Variants in DPYD observed in about 807,000 individuals in gnomAD.
The protein encoded by DPYD is dihydropyrimidine dehydrogenase [NADP(+)].
Under a neutral mutation model 116.2 loss-of-function variants are expected in DPYD, and 109 were observed. That is an observed-to-expected ratio of 0.94 (90% confidence interval 0.80 to 1.10). DPYD has a LOEUF of 1.10. Ranked by LOEUF, DPYD falls within the 50% of genes least tolerant of loss-of-function variation. The pLI is 0.00. For synonymous variants in DPYD, 440 were observed against 432.0 expected, an observed-to-expected ratio of 1.02 and a Z score of -0.23; for missense variants, 1,302 against 1,254.5, an observed-to-expected ratio of 1.04 and a Z score of -0.57.
chr1:97,656,200 G>C (rs961586208), intron 8 of DPYD, among the ~76,000 whole-genome samples: 1 of 152,144 alleles, frequency 6.6e-6, no homozygotes, highest in African/African-American at 2.4e-5. Context: ...TGTTCTGGCA[G>C]CCCAGCAAGA....
At chr1:97,635,201 G>A (rs1055566430) in intron 8 of DPYD, among the ~76,000 whole-genome samples, 2 of 151,998 alleles carry the variant, frequency 1.3e-5, no homozygotes, top group African/African-American at 4.8e-5. Context: ...TGTACCTTAG[G>A]ATAAGGAATT....
intron 8 of DPYD, among the ~76,000 whole-genome samples, chr1:97,628,810 G>A (rs1030156711): frequency 6.6e-6 from 1 of 152,018 alleles, no homozygotes; most frequent in Non-Finnish European, 1.5e-5. Context: ...TAATATGCAT[G>A]TATATATGTA....
intron 13 of DPYD, among the ~76,000 whole-genome samples, chr1:97,471,290 G>A (rs556443548): frequency 6.6e-6 from 1 of 152,158 alleles, no homozygotes; most frequent in South Asian, 2.1e-4. Context: ...GGGGGTCCCA[G>A]GACAGGGAAT....
chr1:97,281,621 A>C (rs868280824), intron 18 of DPYD, among the ~76,000 whole-genome samples: 3 of 152,026 alleles, frequency 2.0e-5, no homozygotes, highest in South Asian at 4.1e-4. Context: ...TTTTATCTAA[A>C]GTTTCTCAGA....
chr1:97,410,199 G>A (rs1038160779), intron 14 of DPYD, among the ~76,000 whole-genome samples: 2 of 151,578 alleles, frequency 1.3e-5, no homozygotes, highest in Admixed American at 1.3e-4. Context: ...CTTTCTCTCT[G>A]CAGCTGAAAT....
chr1:97,681,713 T>G (rs961124360), intron 7 of DPYD, among the ~76,000 whole-genome samples: 2 of 152,272 alleles, frequency 1.3e-5, no homozygotes, highest in African/African-American at 4.8e-5. Context: ...AATACATATT[T>G]TATTGAAAAA....
chr1:97,573,679 C>T, intron 11 of DPYD, 81 bp downstream of exon 11: 1 of 1,563,060 alleles, frequency 6.4e-7, no homozygotes, highest in Non-Finnish European at 8.8e-7. Flanking sequence ...AAGTGAAAAA[C>T]AATTCCCTGA....
chr1:97,191,942 C>T (rs947277816), intron 20 of DPYD, among the ~76,000 whole-genome samples: 34 of 152,106 alleles, frequency 2.2e-4, no homozygotes, highest in African/African-American at 8.2e-4. Context: ...CATTATCTTG[C>T]TAATTACAAT....
At chr1:97,729,307 T>G (rs527582859) in intron 4 of DPYD, among the ~76,000 whole-genome samples, 1 of 152,194 alleles carries the variant, frequency 6.6e-6, no homozygotes. Context: ...ATGTCATATC[T>G]CTCAGCCTCG....
intron 3 of DPYD, among the ~76,000 whole-genome samples, chr1:97,742,517 T>A (rs2101075278): frequency 6.6e-6 from 1 of 152,248 alleles, no homozygotes; most frequent in East Asian, 1.9e-4. Flanking sequence ...TAGATTCACA[T>A]CTATCATTTA....
Position 97,699,460 on chromosome 1 carries a change from C to A in DPYD, c.571G>T (p.Ala191Ser), listed in dbSNP as rs1269604231. The A allele has an allele frequency of 1.2e-6, 2 of 1,613,512 alleles. No individual in the cohort carries two copies. The highest frequency in any genetic ancestry group is 1.7e-6 in the Non-Finnish European group (2 of 1,179,686). Reference sequence around the variant, plus strand: ...CTTGCAGGCCCAGCACCAAAAAGAGCAATCTTTGCAGAATAGGCTTCAGAC... The same window carrying A: ...CTTGCAGGCCCAGCACCAAAAAGAGAAATCTTTGCAGAATAGGCTTCAGAC... ...KMSEAYSAKI[A>S]LFGAGPASIS... Residue 191 changes from alanine to serine, a missense_variant, in exon 6 of 23, where the codon GCT becomes TCT. By Grantham distance (99) the Ala-to-Ser change is moderately conservative (BLOSUM62 1). Transcript: ENST00000370192.
chr1:97,499,956 T>C (rs1048822210), intron 13 of DPYD, among the ~76,000 whole-genome samples: 15 of 151,960 alleles, frequency 9.9e-5, no homozygotes, highest in Admixed American at 5.3e-4. Context: ...GAGGCAATCA[T>C]TTACATTCAG....
chr1:97,563,402 G>A (rs1652302779), intron 11 of DPYD, among the ~76,000 whole-genome samples: 1 of 152,162 alleles, frequency 6.6e-6, no homozygotes, highest in South Asian at 2.1e-4. Flanking sequence ...CACTCACTGT[G>A]TGTTCAAAAC....
intron 8 of DPYD, among the ~76,000 whole-genome samples, chr1:97,616,869 A>C (rs1656305112): frequency 6.6e-6 from 1 of 152,120 alleles, no homozygotes; most frequent in Admixed American, 6.6e-5. Flanking sequence ...ATTTCTCCTA[A>C]AATTAAGGCT....
chr1:97,564,826 A>G (rs1652402807), intron 11 of DPYD, among the ~76,000 whole-genome samples: 1 of 152,146 alleles, frequency 6.6e-6, no homozygotes, highest in Non-Finnish European at 1.5e-5. Flanking sequence ...AAATTATTTT[A>G]ATCCTTTAAC....
intron 14 of DPYD, among the ~76,000 whole-genome samples, chr1:97,409,628 T>C (rs554948805): frequency 1.9e-4 from 29 of 152,318 alleles, no homozygotes; most frequent in African/African-American, 6.5e-4. Flanking sequence ...ACAGAAATTC[T>C]AAGTGAAAGC....
chr1:97,581,311 A>G (rs1653649596), intron 10 of DPYD, among the ~76,000 whole-genome samples: 1 of 119,144 alleles, frequency 8.4e-6, no homozygotes. Flanking sequence ...TGGGCGACAG[A>G]GCGAGACTCA....
At chr1:97,671,740 T>G (rs992889332) in intron 8 of DPYD, among the ~76,000 whole-genome samples, 1 of 151,960 alleles carries the variant, frequency 6.6e-6, no homozygotes, top group African/African-American at 2.4e-5. Flanking sequence ...CAACACCAAC[T>G]CTCATAAATG....
rs1558029869 is a variant in DPYD at position 97,323,374 on chromosome 1, GTGTATATGTACACGTATGTA to G, written c.2059-17097_2059-17078del. Among the ~76,000 whole-genome samples the G allele has an allele frequency of 4.3e-4, 35 of 81,852 alleles. 3 individuals carry two copies. Among genetic ancestry groups the G allele is most frequent in the African/African-American group, 1.3e-3 (34 of 26,832 alleles). 53.7% of individuals were successfully genotyped at this position (81,852 alleles called of 152,430 possible). On this transcript the variant is annotated intron_variant, in intron 16 of 22. Transcript: ENST00000370192. Reference sequence around the variant, plus strand: ...TGTATATGTACACGTATGTATACATGTGTATATGTACACGTATGTATACATATGTGTATATGTACACGTAT... The same window carrying G: ...TGTATATGTACACGTATGTATACATGTACATATGTGTATATGTACACGTAT...
Sources: allele counts gnomAD v4.1 joint callset (sites outside exome capture counted in the v4.1 genomes callset), GRCh38; gene constraint gnomAD v4.1.1; transcripts MANE v1.5; gene names NCBI Gene and HGNC (gene_info 2026-07-23, HGNC 2026-07-21).